Variants in FAM83F observed in about 807,000 individuals in gnomAD.
FAM83F encodes scaffolding CK1 anchoring protein F.
In FAM83F, 45 loss-of-function variants were observed where a neutral mutation model predicts 42.9. That is an observed-to-expected ratio of 1.05 (90% confidence interval 0.83 to 1.35). The LOEUF (loss-of-function observed/expected upper bound fraction) is 1.35, where lower values mean the gene tolerates loss of function less well. FAM83F is among the 40% of genes most tolerant of loss of function. FAM83F has a pLI of 0.00. For missense variants in FAM83F, 617 were observed against 695.9 expected, an observed-to-expected ratio of 0.89 and a Z score of 1.28; for synonymous variants, 306 against 298.3, an observed-to-expected ratio of 1.03 and a Z score of -0.27.
chr22:40,005,173 T>C (rs774949233), intron 1 of FAM83F, among the ~76,000 whole-genome samples: 10 of 152,232 alleles, frequency 6.6e-5, no homozygotes, highest in Non-Finnish European at 1.2e-4. Context: ...CCATTTGTCT[T>C]ACCCTGATAG....
Position 40,021,800 on chromosome 22 carries a change from G to C in FAM83F, c.1290G>C (p.Gly430=). 2.5e-6 allele frequency: 4 copies of C among 1,612,650 alleles called. No homozygotes were observed. Among genetic ancestry groups the C allele is most frequent in the Non-Finnish European group, 3.4e-6 (4 of 1,179,694 alleles). Residue 430 remains glycine (G), a synonymous_variant, in exon 4 of 5, where the codon GGG becomes GGC. Transcript: ENST00000333407. The surrounding 1 kb of genome is among the most constrained non-coding windows in gnomAD (Gnocchi z 8.7). ...ACGGCATGGGAGAAGCGGCCCGGGG[G>C]GAGGCCGCCCCCGCCAGGCGCTTCA... ...SRNGMGEAAR[G]EAAPARRFSS...
At chr22:40,000,198 G>A (rs753375887) in intron 1 of FAM83F, among the ~76,000 whole-genome samples, 15 of 152,152 alleles carry the variant, frequency 9.9e-5, no homozygotes, top group African/African-American at 7.2e-5. Context: ...AATCTACATC[G>A]TAACAAGCTG....
At chr22:40,028,757 G>A (rs1439105649) in intron 4 of FAM83F, among the ~76,000 whole-genome samples, 1 of 152,244 alleles carries the variant, frequency 6.6e-6, no homozygotes, top group Non-Finnish European at 1.5e-5. Flanking sequence ...CCTACAGGCA[G>A]CGCGTTCCTC....
chr22:39,996,140 T>A (rs2067372714), intron 1 of FAM83F, among the ~76,000 whole-genome samples: 2 of 152,288 alleles, frequency 1.3e-5, no homozygotes, highest in South Asian at 4.1e-4. Context: ...TGCCTGGCCC[T>A]GTGCTGGGCG....
rs2067594254 is a variant in FAM83F at position 40,032,483 on chromosome 22, T to C, written c.*2918T>C. The C allele has an allele frequency of 6.6e-6, 1 of 152,132 alleles. No homozygotes were observed. Among genetic ancestry groups the C allele is most frequent in the African/African-American group, 2.4e-5 (1 of 41,414 alleles). 9.4% of individuals were successfully genotyped at this position (152,132 alleles called of 1,614,324 possible). ...TCACTACCCTCTGCCTGTGTAGAACTTTATAGAAAGGCTAGGCAAAAAATG... is the reference window on the plus strand; with the variant it reads ...TCACTACCCTCTGCCTGTGTAGAACCTTATAGAAAGGCTAGGCAAAAAATG... On this transcript the variant is annotated 3_prime_UTR_variant, in exon 5 of 5. Coordinates refer to ENST00000333407, the MANE Select transcript of FAM83F (RefSeq NM_138435.4).
rs2067520073 is a variant in FAM83F at position 40,021,408 on chromosome 22, T to G, written c.898T>G (p.Leu300Val). Residue 300 changes from leucine (L) to valine (V), a missense_variant, in exon 4 of 5, where the codon TTG (leucine) becomes GTG (valine). Coordinates refer to ENST00000333407, the MANE Select transcript of FAM83F (RefSeq NM_138435.4). This position sits in a 1 kb window ranked among gnomAD's most constrained non-coding sequence, Gnocchi z 8.7. The stretch of plus-strand genomic sequence containing the variant: ...GTACGCCATCTCCGAGGAGGTGGAC[T>G]TGTACCGGCAGCTGAGCCTGGCGGG... ...ELYAISEEVD[L>V]YRQLSLAGRV... 6.2e-7 allele frequency: 1 copy of G among 1,613,618 alleles called. No homozygotes were observed.
At chr22:40,019,425 TG>T in intron 2 of FAM83F, 90 bp downstream of exon 2, 1 of 1,247,476 alleles carries the variant, frequency 8.0e-7, no homozygotes, top group South Asian at 1.4e-5. Context: ...GCCTCTTCCC[TG>T]AATGGGGGCT....
intron 4 of FAM83F, among the ~76,000 whole-genome samples, chr22:40,027,904 G>A (rs1379945293): frequency 1.5e-5 from 2 of 133,200 alleles, no homozygotes; most frequent in Non-Finnish European, 3.1e-5. Context: ...CCTGTTTAAC[G>A]ATCTGGAGGT....
At chr22:39,996,011 C>G (rs1449384228) in intron 1 of FAM83F, among the ~76,000 whole-genome samples, 3 of 152,226 alleles carry the variant, frequency 2.0e-5, no homozygotes, top group Non-Finnish European at 4.4e-5. Context: ...GACCACCCCT[C>G]TCCTCCCATA....
Position 40,020,009 on chromosome 22 carries a change from G to A in FAM83F, c.779+1G>A, listed in dbSNP as rs758223804. The A allele has an allele frequency of 2.5e-6, 4 of 1,611,568 alleles. No individual in the cohort carries two copies. The South Asian group carries it at 3.3e-5, about 13-fold the overall frequency. ...ACAAAGTGGCCACTGGATCTTACAG[G>A]TGAGTTGGGCCGGATCAAAGAAGGG... is the stretch of plus-strand genomic sequence containing the variant. On this transcript the variant is annotated splice_donor_variant, in intron 3 of 4. Coordinates refer to ENST00000333407, the MANE Select transcript of FAM83F (RefSeq NM_138435.4). LOFTEE classifies it high-confidence loss of function.
intron 4 of FAM83F, among the ~76,000 whole-genome samples, chr22:40,026,896 TTGC>T (rs2067556493): frequency 6.6e-6 from 1 of 152,200 alleles, no homozygotes; most frequent in Non-Finnish European, 1.5e-5. Context: ...TCTCTTGCTC[TTGC>T]TGCGTCTGGG....
chr22:39,998,257 G>A (rs927215188), intron 1 of FAM83F, among the ~76,000 whole-genome samples: 2 of 152,168 alleles, frequency 1.3e-5, no homozygotes, highest in African/African-American at 2.4e-5. Flanking sequence ...GCAGGGACAC[G>A]GGGGAACTGC....
intron 1 of FAM83F, among the ~76,000 whole-genome samples, chr22:40,012,155 A>G (rs1249017517): frequency 2.7e-5 from 4 of 149,496 alleles, no homozygotes; most frequent in Non-Finnish European, 4.4e-5. Flanking sequence ...TTTTTTTGGA[A>G]TGAAGTTTTG....
At chr22:40,018,443 TTTTA>T (rs763988498) in intron 1 of FAM83F, among the ~76,000 whole-genome samples, 11 of 151,978 alleles carry the variant, frequency 7.2e-5, no homozygotes, top group Admixed American at 2.0e-4. Flanking sequence ...CTTTATTCCA[TTTTA>T]TTTATTTATT....
Position 40,043,437 on chromosome 22 carries a change from G to A in FAM83F, c.*13872G>A, listed in dbSNP as rs2067661391. 1 of 152,206 alleles carries A rather than the reference G, an allele frequency of 6.6e-6. No individual in the cohort carries two copies. Among genetic ancestry groups the A allele is most frequent in the Non-Finnish European group, 1.5e-5 (1 of 68,038 alleles). The allele number at this position is 152,206 out of a possible 1,614,324, so 9.4% of individuals were successfully genotyped here. ...AAAGAACCCAGTGGCCACCAGCCAGGAGCACACGTCTTGCTCAGCATCAAC... is the reference window on the plus strand; with the variant it reads ...AAAGAACCCAGTGGCCACCAGCCAGAAGCACACGTCTTGCTCAGCATCAAC... On this transcript the variant is annotated 3_prime_UTR_variant, in exon 5 of 5. Transcript: ENST00000333407.
intron 1 of FAM83F, among the ~76,000 whole-genome samples, chr22:40,018,605 AT>A (rs5845446): frequency 0.069 from 9,371 of 135,362 alleles, 947 homozygotes; most frequent in African/African-American, 0.23. Flanking sequence ...CGCCTGGCTA[AT>A]TTTTTTTTTT....
chr22:40,020,860 A>G (rs2080222475), intron 3 of FAM83F, among the ~76,000 whole-genome samples: 2 of 152,200 alleles, frequency 1.3e-5, no homozygotes, highest in South Asian at 4.1e-4. Flanking sequence ...AAAAGAACCA[A>G]TACAGAGTAG....
intron 1 of FAM83F, among the ~76,000 whole-genome samples, chr22:40,010,524 C>T (rs1301428144): frequency 6.6e-6 from 1 of 152,200 alleles, no homozygotes. Flanking sequence ...CAGTCCGACT[C>T]GCGAAAGCCA....
intron 1 of FAM83F, among the ~76,000 whole-genome samples, chr22:40,016,366 C>G (rs1266644062): frequency 1.3e-5 from 2 of 152,030 alleles, no homozygotes; most frequent in South Asian, 4.1e-4. Context: ...CCATGCCTAG[C>G]TAATTTTTGT....
Sources: gnomAD v4.1 joint callset for allele counts (sites outside exome capture counted in the v4.1 genomes callset) on GRCh38, gnomAD v4.1.1 for gene constraint, Gnocchi (gnomAD v3.1) non-coding constraint, MANE v1.5 for transcripts, NCBI Gene and HGNC (gene_info 2026-07-23, HGNC 2026-07-21) for gene names.